The following ZEB1 variants were observed in gnomAD, a reference collection of about 807,000 sequenced individuals.
ZEB1 encodes the protein zinc finger E-box-binding homeobox 1.
ZEB1 carries 21 observed loss-of-function variants against 84.9 expected under a neutral mutation model. The observed-to-expected ratio is 0.25, with a 90% CI of 0.18 to 0.36. The LOEUF is 0.36. ZEB1 is among the 10% of genes least tolerant of loss of function. The pLI, the probability that ZEB1 is intolerant of heterozygous loss-of-function variation, is 1.00. For missense variants in ZEB1, 1,104 were observed against 1,330.2 expected, an observed-to-expected ratio of 0.83 and a Z score of 2.65; for synonymous variants, 420 against 471.1, an observed-to-expected ratio of 0.89 and a Z score of 1.41.
intron 1 of ZEB1, among the ~76,000 whole-genome samples, chr10:31,398,036 A>G (rs1326694888): frequency 6.6e-6 from 1 of 152,236 alleles, no homozygotes; most frequent in South Asian, 2.1e-4. Context: ...TTGAAAGTGT[A>G]TGAACAAAGT....
chr10:31,419,829 G>A lies in ZEB1; in HGVS notation c.59-41208G>A, dbSNP rs1209240559. ...TGGCTGAGAGCTGAGGATACAGACT[G>A]AATGAATAAGTTAGGCATGATATCT... On this transcript the variant is annotated intron_variant, in intron 1 of 8. Transcript: ENST00000424869. Among the ~76,000 whole-genome samples the A allele has an allele frequency of 5.9e-5, 9 of 152,146 alleles. 1 individual carries two copies. Among genetic ancestry groups the A allele is most frequent in the Admixed American group, 5.9e-4 (9 of 15,258 alleles).
At chr10:31,337,628 A>T in intron 1 of ZEB1, among the ~76,000 whole-genome samples, 1 of 143,466 alleles carries the variant, frequency 7.0e-6, no homozygotes, top group African/African-American at 2.6e-5. Flanking sequence ...TATCTTTAGT[A>T]TTTTATACTA....
chr10:31,412,078 A>G (rs574262082), intron 1 of ZEB1, among the ~76,000 whole-genome samples: 39 of 152,334 alleles, frequency 2.6e-4, no homozygotes, highest in African/African-American at 9.4e-4. Flanking sequence ...AATATTTACA[A>G]CATTACTTAT....
intron 2 of ZEB1, among the ~76,000 whole-genome samples, chr10:31,471,092 C>G (rs529108233): frequency 1.5e-5 from 2 of 130,656 alleles, no homozygotes; most frequent in East Asian, 4.4e-4. Flanking sequence ...ACAACCGGTA[C>G]CAGCCGCTGC....
intron 1 of ZEB1, among the ~76,000 whole-genome samples, chr10:31,419,825 G>A (rs1452309558): frequency 6.6e-6 from 1 of 152,178 alleles, no homozygotes; most frequent in Non-Finnish European, 1.5e-5. Flanking sequence ...TGAGGATACA[G>A]ACTGAATGAA....
chr10:31,380,173 T>G (rs1238067187), intron 1 of ZEB1, among the ~76,000 whole-genome samples: 1 of 151,534 alleles, frequency 6.6e-6, no homozygotes, highest in Admixed American at 6.6e-5. Context: ...CCAAACCCCC[T>G]TCTTCCTCCT....
chr10:31,513,558 G>C (rs1421128641), intron 5 of ZEB1, among the ~76,000 whole-genome samples: 2 of 152,104 alleles, frequency 1.3e-5, no homozygotes, highest in African/African-American at 4.8e-5. Context: ...AGTGAAGTAG[G>C]ACCTGATTCA....
At chr10:31,515,018 C>A (rs2070806822) in intron 6 of ZEB1, among the ~76,000 whole-genome samples, 1 of 151,922 alleles carries the variant, frequency 6.6e-6, no homozygotes, top group African/African-American at 2.4e-5. Flanking sequence ...GCCTCCTTTG[C>A]ACAATTAGCA....
intron 4 of ZEB1, among the ~76,000 whole-genome samples, chr10:31,504,953 T>C (rs2068725001): frequency 1.3e-5 from 2 of 152,236 alleles, no homozygotes; most frequent in South Asian, 4.1e-4. Flanking sequence ...TCTTGCCCAA[T>C]TGCTCTGGCT....
chr10:31,442,222 G>T (rs1591307479), intron 1 of ZEB1, among the ~76,000 whole-genome samples: 1 of 152,218 alleles, frequency 6.6e-6, no homozygotes, highest in Admixed American at 6.5e-5. Flanking sequence ...GGAATACTAT[G>T]CAGCCATAAG....
At chr10:31,518,584 A>T (rs1220409116) in intron 6 of ZEB1, among the ~76,000 whole-genome samples, 1 of 152,152 alleles carries the variant, frequency 6.6e-6, no homozygotes, top group African/African-American at 2.4e-5. Flanking sequence ...TATGACCCCT[A>T]TAACAGTCCA....
chr10:31,341,201 A>C (rs1397824088), intron 1 of ZEB1, among the ~76,000 whole-genome samples: 1 of 152,132 alleles, frequency 6.6e-6, no homozygotes, highest in African/African-American at 2.4e-5. Flanking sequence ...AAAAGATTGG[A>C]GGCAGAGAGG....
chr10:31,355,919 T>G (rs1344781321), intron 1 of ZEB1, among the ~76,000 whole-genome samples: 1 of 152,152 alleles, frequency 6.6e-6, no homozygotes, highest in Non-Finnish European at 1.5e-5. Flanking sequence ...TGAGTCTGAC[T>G]ATAGTATATA....
At chr10:31,495,886 C>G in intron 3 of ZEB1, 48 bp downstream of exon 3, 2 of 1,598,096 alleles carry the variant, frequency 1.3e-6, no homozygotes, top group Non-Finnish European at 1.7e-6. Flanking sequence ...AAAAGAAGGT[C>G]TTTGTGTCAC....
At chr10:31,405,545 T>C (rs80308831) in intron 1 of ZEB1, among the ~76,000 whole-genome samples, 2,584 of 152,254 alleles carry the variant, frequency 0.017, 64 homozygotes, top group African/African-American at 0.059. Flanking sequence ...CTTGCCTTTA[T>C]AGTGCTTGTA....
rs778315904 is a variant in ZEB1, at chr10:31,527,140, G to A, written c.3254G>A (p.Gly1085Glu). 6.2e-7 allele frequency: 1 copy of A among 1,608,836 alleles called. No individual in the cohort carries two copies. Among genetic ancestry groups the A allele is most frequent in the Non-Finnish European group, 8.5e-7 (1 of 1,177,390 alleles). Residue 1085 changes from glycine to glutamate, a missense_variant, in exon 9 of 9, where the codon GGA becomes GAA. Around this residue, in one of 7 missense-constraint regions of ZEB1, gnomAD observed 173 missense variants for 167.0 expected, o/e 1.04. Transcript: ENST00000424869. ...GAGGTAGAAGAGGCAGAGAATGAGGGAGAAGAAGCAAAAACTGAAGGTCTG... is the reference window on the plus strand; with the variant it reads ...GAGGTAGAAGAGGCAGAGAATGAGGAAGAAGAAGCAAAAACTGAAGGTCTG... ...EEEVEEAENE[G>E]EEAKTEGLMK...
chr10:31,451,303 A>G (rs2060536890), intron 1 of ZEB1, among the ~76,000 whole-genome samples: 1 of 152,206 alleles, frequency 6.6e-6, no homozygotes. Flanking sequence ...GCATTTTAAT[A>G]TTGAACATTC....
chr10:31,471,321 C>A (rs1236020415), intron 2 of ZEB1, among the ~76,000 whole-genome samples: 1 of 134,382 alleles, frequency 7.4e-6, no homozygotes, highest in Admixed American at 7.4e-5. Flanking sequence ...GGAAACCCAT[C>A]TCACGTGCAG....
At chr10:31,321,553 C>G in intron 1 of ZEB1, 1 of 1,614,008 alleles carries the variant, frequency 6.2e-7, no homozygotes, top group Non-Finnish European at 8.5e-7. Context: ...TCGGAAAGAG[C>G]TGTTCGCTTT....
Sources: gnomAD v4.1 joint callset for allele counts (sites outside exome capture counted in the v4.1 genomes callset) on GRCh38, gnomAD v4.1.1 for gene constraint, gnomAD v4.1.1 regional missense constraint, MANE v1.5 for transcripts, NCBI Gene and HGNC (gene_info 2026-07-23, HGNC 2026-07-21) for gene names.